Variants in NBEA observed in about 807,000 individuals in gnomAD.
NBEA encodes the protein lysosomal-trafficking regulator 2.
In NBEA, 44 loss-of-function variants were observed where a neutral mutation model predicts 343.4. The observed-to-expected ratio is 0.13, with a 90% CI of 0.10 to 0.16. The LOEUF (loss-of-function observed/expected upper bound fraction) is 0.16. Ranked by LOEUF, NBEA falls within the 10% of genes least tolerant of loss-of-function variation. The probability of loss-of-function intolerance (pLI) is 1.00; values close to 1 mark genes in which losing one functional copy is unlikely to be tolerated. For missense variants in NBEA, 2,555 were observed against 3,631.3 expected, an observed-to-expected ratio of 0.70 and a Z score of 7.62; for synonymous variants, 1,175 against 1,238.7, an observed-to-expected ratio of 0.95 and a Z score of 1.08.
At chr13:35,361,809 T>G (rs2040823270) in intron 38 of NBEA, among the ~76,000 whole-genome samples, 1 of 151,990 alleles carries the variant, frequency 6.6e-6, no homozygotes, top group African/African-American at 2.4e-5. Flanking sequence ...ATATTGTAAT[T>G]AAGAAAAGCA....
chr13:35,141,541 A>G (rs1441295704), intron 17 of NBEA, among the ~76,000 whole-genome samples: 2 of 152,240 alleles, frequency 1.3e-5, no homozygotes, highest in Non-Finnish European at 1.5e-5. Context: ...CTGGGATTAC[A>G]GGCGTGAACC....
chr13:35,484,674 G>T (rs1383523354), intron 41 of NBEA, among the ~76,000 whole-genome samples: 3 of 152,056 alleles, frequency 2.0e-5, no homozygotes, highest in African/African-American at 7.2e-5. Context: ...AAAAAATACA[G>T]AAATAATTAA....
rs995610809 is a variant in NBEA, at chr13:35,211,819, CAAAT to C, written c.5648+656_5648+659del. ...GGGTTGACAGAGTGAGACTGCATCT[CAAAT>C]AAATAAATAAATAAACAAATAAACA... is the stretch of plus-strand genomic sequence containing the variant. On this transcript the variant is annotated intron_variant, in intron 33 of 58. Coordinates refer to ENST00000379939, the MANE Select transcript of NBEA (RefSeq NM_001385012.1). Among the ~76,000 whole-genome samples the C allele has an allele frequency of 6.6e-5, 10 of 151,842 alleles. No homozygotes were observed. The South Asian group carries it at 1.3e-3, about 19-fold the overall frequency.
At chr13:35,164,325 A>G (rs1316139390) in intron 23 of NBEA, 31 bp from the exon 24 acceptor site, 1 of 1,544,436 alleles carries the variant, frequency 6.5e-7, no homozygotes, top group East Asian at 2.4e-5. Flanking sequence ...AGTAAGCCAA[A>G]ACATACTCAT....
intron 1 of NBEA, among the ~76,000 whole-genome samples, chr13:34,963,771 A>G (rs1209267533): frequency 6.6e-6 from 1 of 151,358 alleles, no homozygotes; most frequent in Non-Finnish European, 1.5e-5. Context: ...CTGTTGATTC[A>G]GTAGTATCAG....
At chr13:35,260,899 G>A (rs1404110972) in intron 34 of NBEA, among the ~76,000 whole-genome samples, 1 of 152,076 alleles carries the variant, frequency 6.6e-6, no homozygotes, top group African/African-American at 2.4e-5. Context: ...AGAGTAAAGG[G>A]TTTTCTAGAA....
chr13:35,128,588 G>A (rs1190708806), intron 17 of NBEA, among the ~76,000 whole-genome samples: 1 of 152,114 alleles, frequency 6.6e-6, no homozygotes, highest in African/African-American at 2.4e-5. Context: ...TATACTACAA[G>A]TCAGTAAGTT....
chr13:35,154,796 G>A (rs1229654663), intron 18 of NBEA, among the ~76,000 whole-genome samples: 1 of 152,018 alleles, frequency 6.6e-6, no homozygotes, highest in East Asian at 1.9e-4. Context: ...ATGACAATGA[G>A]CCACATTGTT....
At chr13:35,032,117 G>A (rs1359309623) in intron 1 of NBEA, among the ~76,000 whole-genome samples, 1 of 151,702 alleles carries the variant, frequency 6.6e-6, no homozygotes, top group African/African-American at 2.4e-5. Flanking sequence ...ACATTTACAT[G>A]CATGTGTTTT....
chr13:35,361,243 T>C (rs1594350523), intron 38 of NBEA, among the ~76,000 whole-genome samples: 1 of 151,996 alleles, frequency 6.6e-6, no homozygotes, highest in Non-Finnish European at 1.5e-5. Flanking sequence ...TCTCTAGAAA[T>C]GAAGGCAAAA....
At chr13:35,575,806 G>C (rs573037398) in intron 45 of NBEA, among the ~76,000 whole-genome samples, 3 of 152,140 alleles carry the variant, frequency 2.0e-5, no homozygotes, top group African/African-American at 7.2e-5. Context: ...GATTCAGTCA[G>C]CGACCACACA....
At chr13:35,115,514 T>A (rs894667190) in intron 13 of NBEA, among the ~76,000 whole-genome samples, 3 of 152,134 alleles carry the variant, frequency 2.0e-5, no homozygotes, top group African/African-American at 7.2e-5. Context: ...GTGCTTATTA[T>A]TTTTTACTAT....
intron 2 of NBEA, among the ~76,000 whole-genome samples, chr13:35,043,768 C>A (rs2062744124): frequency 4.0e-5 from 6 of 151,672 alleles, no homozygotes; most frequent in Admixed American, 3.9e-4. Flanking sequence ...ATACAAATGA[C>A]AAATATTTTT....
At chr13:35,564,265 A>G (rs1021755801) in intron 44 of NBEA, among the ~76,000 whole-genome samples, 9 of 152,050 alleles carry the variant, frequency 5.9e-5, no homozygotes, top group East Asian at 3.8e-4. Flanking sequence ...TCATCTATCA[A>G]TTAATTTATT....
intron 1 of NBEA, among the ~76,000 whole-genome samples, chr13:34,967,803 CTAAT>C (rs1158873392): frequency 6.6e-5 from 10 of 152,054 alleles, no homozygotes; most frequent in Non-Finnish European, 1.5e-4. Context: ...TTCTCTGGCA[CTAAT>C]TAAGTGTCCT....
intron 1 of NBEA, among the ~76,000 whole-genome samples, chr13:34,985,471 G>A (rs1003889424): frequency 1.3e-5 from 2 of 151,010 alleles, no homozygotes; most frequent in African/African-American, 4.8e-5. Context: ...TTGCATCGAT[G>A]TTCATCAGGG....
chr13:35,078,298 G>A (rs1181414913), intron 10 of NBEA, among the ~76,000 whole-genome samples: 3 of 152,184 alleles, frequency 2.0e-5, no homozygotes, highest in East Asian at 3.8e-4. Flanking sequence ...AGTTATAGCT[G>A]TAGTAACAAA....
chr13:35,273,486 C>T (rs2034332772), intron 34 of NBEA, among the ~76,000 whole-genome samples: 2 of 151,994 alleles, frequency 1.3e-5, no homozygotes, highest in African/African-American at 4.8e-5. Context: ...CAAAAACTAG[C>T]AGAAGACAAG....
intron 41 of NBEA, among the ~76,000 whole-genome samples, chr13:35,526,475 G>T (rs904592050): frequency 6.6e-6 from 1 of 152,122 alleles, no homozygotes; most frequent in African/African-American, 2.4e-5. Context: ...GTGAAAACCC[G>T]TCTCTACTAA....
Sources: allele counts gnomAD v4.1 joint callset (sites outside exome capture counted in the v4.1 genomes callset), GRCh38; gene constraint gnomAD v4.1.1; transcripts MANE v1.5; gene names NCBI Gene and HGNC (gene_info 2026-07-23, HGNC 2026-07-21).